The following ARMC8 variants were observed in gnomAD, a reference collection of about 807,000 sequenced individuals.
ARMC8 encodes armadillo repeat-containing protein 8.
In ARMC8, 20 loss-of-function variants were observed where a neutral mutation model predicts 99.3. That is an observed-to-expected ratio of 0.20 (90% CI 0.14 to 0.29). ARMC8 has a LOEUF of 0.29. Ranked by LOEUF, ARMC8 falls within the 10% of genes least tolerant of loss-of-function variation. ARMC8 has a pLI of 1.00. For synonymous variants in ARMC8, 263 were observed against 278.3 expected (o/e 0.95, Z 0.55); for missense variants, 569 against 809.5 (o/e 0.70, Z 3.60).
chr3:138,210,401 A>G (rs1165580875), intron 2 of ARMC8, among the ~76,000 whole-genome samples: 1 of 152,210 alleles, frequency 6.6e-6, no homozygotes, highest in Non-Finnish European at 1.5e-5. Flanking sequence ...TTCATGTTTA[A>G]TGAGAGGAAA....
chr3:138,226,065 T>A (rs957353917), intron 5 of ARMC8, among the ~76,000 whole-genome samples: 1 of 152,206 alleles, frequency 6.6e-6, no homozygotes, highest in South Asian at 2.1e-4. Flanking sequence ...TGATCTCGAC[T>A]CACTGCAACC....
intron 12 of ARMC8, among the ~76,000 whole-genome samples, chr3:138,247,163 T>G (rs916201272): frequency 6.6e-6 from 1 of 152,188 alleles, no homozygotes; most frequent in South Asian, 2.1e-4. Flanking sequence ...TTTCTTTTCC[T>G]TTTTTGTTGT....
chr3:138,188,665 G>C, intron 1 of ARMC8: 1 of 1,189,382 alleles, frequency 8.4e-7, no homozygotes, highest in Non-Finnish European at 1.2e-6. Flanking sequence ...CGGGTTCCTA[G>C]AGTCTTGTAA....
chr3:138,226,150 G>A (rs1352945219), intron 5 of ARMC8, among the ~76,000 whole-genome samples: 4 of 152,066 alleles, frequency 2.6e-5, no homozygotes, highest in Admixed American at 6.6e-5. Flanking sequence ...GCACCACCAT[G>A]ACCGGCTAAT....
intron 12 of ARMC8, chr3:138,245,408 G>C (rs966083222): frequency 1.4e-4 from 189 of 1,377,678 alleles, no homozygotes; most frequent in Non-Finnish European, 1.8e-4. Flanking sequence ...CAAATAACTG[G>C]CGTGCTTTTT....
chr3:138,255,387 A>G (rs1389491084), intron 12 of ARMC8, among the ~76,000 whole-genome samples: 4 of 151,770 alleles, frequency 2.6e-5, no homozygotes, highest in Non-Finnish European at 5.9e-5. Flanking sequence ...TATTTTTAGT[A>G]GAGACGGGGT....
intron 1 of ARMC8, among the ~76,000 whole-genome samples, chr3:138,201,700 C>T (rs994967271): frequency 1.3e-5 from 2 of 152,034 alleles, no homozygotes; most frequent in East Asian, 3.9e-4. Flanking sequence ...ACCTCACTCT[C>T]TGCCCGCCTC....
chr3:138,292,291 C>T (rs28606027), intron 21 of ARMC8, among the ~76,000 whole-genome samples: 1,715 of 152,336 alleles, frequency 0.011, 23 homozygotes, highest in African/African-American at 0.039. Context: ...CCACCCACCT[C>T]GGCTTCCCAA....
At chr3:138,268,508 G>C (rs1259673674) in intron 15 of ARMC8, among the ~76,000 whole-genome samples, 1 of 152,188 alleles carries the variant, frequency 6.6e-6, no homozygotes, top group Non-Finnish European at 1.5e-5. Context: ...TTAGGGTCTA[G>C]TTAGGAAATA....
intron 2 of ARMC8, among the ~76,000 whole-genome samples, chr3:138,216,764 T>A (rs1053985497): frequency 6.6e-6 from 1 of 152,202 alleles, no homozygotes; most frequent in African/African-American, 2.4e-5. Flanking sequence ...GTTTTCAGTA[T>A]CCAGTGTAGT....
chr3:138,271,426 A>G (rs962680134), intron 16 of ARMC8, among the ~76,000 whole-genome samples: 1 of 152,196 alleles, frequency 6.6e-6, no homozygotes, highest in Non-Finnish European at 1.5e-5. Flanking sequence ...ACATATCCAG[A>G]TGTAACTGTT....
At chr3:138,195,511 G>A (rs2043678000) in intron 1 of ARMC8, among the ~76,000 whole-genome samples, 1 of 152,074 alleles carries the variant, frequency 6.6e-6, no homozygotes. Flanking sequence ...AGGGTCTTCA[G>A]ATTTTACTTT....
chr3:138,225,957 C>G (rs746008682), intron 5 of ARMC8, among the ~76,000 whole-genome samples: 2 of 152,154 alleles, frequency 1.3e-5, no homozygotes, highest in Non-Finnish European at 2.9e-5. Flanking sequence ...GGTCACCTCA[C>G]ACAGTAGGGA....
intron 12 of ARMC8, among the ~76,000 whole-genome samples, chr3:138,254,351 A>G (rs1370054261): frequency 6.6e-6 from 1 of 152,196 alleles, no homozygotes; most frequent in Non-Finnish European, 1.5e-5. Flanking sequence ...TAATTTTTAT[A>G]TGTCTGGACC....
chr3:138,189,530 A>G (rs984391658), intron 1 of ARMC8, among the ~76,000 whole-genome samples: 1 of 152,234 alleles, frequency 6.6e-6, no homozygotes, highest in Non-Finnish European at 1.5e-5. Flanking sequence ...GATTCCTTTA[A>G]TAAGCTACAA....
At chr3:138,280,750 C>G (rs988300928) in intron 18 of ARMC8, among the ~76,000 whole-genome samples, 3 of 152,066 alleles carry the variant, frequency 2.0e-5, no homozygotes, top group Non-Finnish European at 4.4e-5. Flanking sequence ...CCTCGGCCTC[C>G]CACAGTGCTG....
At chr3:138,236,716 G>A (rs2046351071) in intron 7 of ARMC8, among the ~76,000 whole-genome samples, 2 of 150,724 alleles carry the variant, frequency 1.3e-5, no homozygotes, top group South Asian at 2.1e-4. Context: ...GGATTAGATT[G>A]GATTAGAATG....
intron 12 of ARMC8, among the ~76,000 whole-genome samples, chr3:138,252,078 T>C (rs138265846): frequency 6.6e-6 from 1 of 152,238 alleles, no homozygotes; most frequent in Non-Finnish European, 1.5e-5. Flanking sequence ...ATTGTTGCTA[T>C]GCTCTTTCCT....
chr3:138,237,504 A>T lies in ARMC8; in HGVS notation c.708A>T (p.Leu236Phe). 1 of 1,613,964 alleles carries T rather than the reference A, an allele frequency of 6.2e-7. No homozygotes were observed. Among genetic ancestry groups the T allele is most frequent in the Non-Finnish European group, 8.5e-7 (1 of 1,179,958 alleles). Residue 236 changes from leucine (L) to phenylalanine (F), a missense_variant, in exon 9 of 22, where the codon TTA (leucine) becomes TTT (phenylalanine). Leu to Phe is a conservative substitution (Grantham distance 22). Coordinates refer to ENST00000469044, the MANE Select transcript of ARMC8 (RefSeq NM_001363941.2). Reference sequence around the variant, plus strand: ...TAGTTTTGGTTGATGGAGAATTGTTACCACAGATTTTTGTGAAGATGTTAC... The same window carrying T: ...TAGTTTTGGTTGATGGAGAATTGTTTCCACAGATTTTTGTGAAGATGTTAC... ...LVNVLVDGEL[L>F]PQIFVKMLQR...
Sources: allele counts gnomAD v4.1 joint callset (sites outside exome capture counted in the v4.1 genomes callset), GRCh38; gene constraint gnomAD v4.1.1; transcripts MANE v1.5; gene names NCBI Gene and HGNC (gene_info 2026-07-23, HGNC 2026-07-21).